CADM2: variants seen among roughly 807,000 people sequenced by gnomAD.
The protein encoded by CADM2 is immunoglobulin superfamily member 4D.
Under a neutral mutation model 49.8 loss-of-function variants are expected in CADM2, and 12 were observed. That is an observed-to-expected ratio of 0.24 (90% CI 0.15 to 0.39). The LOEUF is 0.39. CADM2 is among the 10% of genes least tolerant of loss of function. CADM2 has a pLI of 1.00. For synonymous variants in CADM2, 214 were observed against 175.4 expected (o/e 1.22, Z -1.74); for missense variants, 378 against 492.3 (o/e 0.77, Z 2.20).
intron 1 of CADM2, among the ~76,000 whole-genome samples, chr3:85,645,027 C>G (rs2064841107): frequency 6.6e-6 from 1 of 151,960 alleles, no homozygotes; most frequent in African/African-American, 2.4e-5. Flanking sequence ...GTATACTAAA[C>G]TTAATTGTTG....
At chr3:85,010,815 T>C (rs149188412) in intron 1 of CADM2, among the ~76,000 whole-genome samples, 1 of 149,108 alleles carries the variant, frequency 6.7e-6, no homozygotes, top group Non-Finnish European at 1.5e-5. Context: ...TCACCAAACA[T>C]TTTTCTTTAA....
At chr3:85,786,338 G>T (rs2070988455) in intron 2 of CADM2, among the ~76,000 whole-genome samples, 1 of 152,004 alleles carries the variant, frequency 6.6e-6, no homozygotes, top group African/African-American at 2.4e-5. Flanking sequence ...TTTATCTGTA[G>T]AAATCTATAC....
At chr3:85,550,816 C>T (rs2061783839) in intron 1 of CADM2, among the ~76,000 whole-genome samples, 1 of 152,082 alleles carries the variant, frequency 6.6e-6, no homozygotes, top group African/African-American at 2.4e-5. Context: ...CTCTCCTTTG[C>T]ACTCTGATTT....
chr3:85,744,576 G>T (rs1050849366), intron 2 of CADM2, among the ~76,000 whole-genome samples: 1 of 152,038 alleles, frequency 6.6e-6, no homozygotes, highest in Non-Finnish European at 1.5e-5. Context: ...TCGGGGTAAG[G>T]TCTTAATGAG....
intron 1 of CADM2, among the ~76,000 whole-genome samples, chr3:85,189,435 C>T (rs1346753132): frequency 1.3e-5 from 2 of 151,970 alleles, no homozygotes; most frequent in Non-Finnish European, 2.9e-5. Flanking sequence ...ATGTAGGTAA[C>T]TGAATTTTAA....
At chr3:85,032,895 T>A (rs1416036746) in intron 1 of CADM2, among the ~76,000 whole-genome samples, 1 of 152,188 alleles carries the variant, frequency 6.6e-6, no homozygotes. Context: ...TTCATGGCAA[T>A]TGTGAGAAAA....
At chr3:85,557,089 C>T (rs1043847553) in intron 1 of CADM2, among the ~76,000 whole-genome samples, 2 of 151,794 alleles carry the variant, frequency 1.3e-5, no homozygotes, top group African/African-American at 4.8e-5. Flanking sequence ...TATTTCTTAC[C>T]CTTTAAAGAA....
intron 8 of CADM2, among the ~76,000 whole-genome samples, chr3:86,037,410 C>A (rs928004138): frequency 6.6e-6 from 1 of 152,144 alleles, no homozygotes; most frequent in Admixed American, 6.5e-5. Context: ...CCGTTTAACA[C>A]TTCAGAGATG....
intron 1 of CADM2, among the ~76,000 whole-genome samples, chr3:85,216,824 C>G (rs2041939177): frequency 6.6e-6 from 1 of 151,948 alleles, no homozygotes; most frequent in East Asian, 1.9e-4. Flanking sequence ...GTGGCCAACT[C>G]TAATATATTT....
chr3:85,368,383 T>G (rs1190374481), intron 1 of CADM2, among the ~76,000 whole-genome samples: 2 of 152,066 alleles, frequency 1.3e-5, no homozygotes, highest in Non-Finnish European at 2.9e-5. Flanking sequence ...GGCTAAGCAT[T>G]GCGTGGGCCA....
intron 7 of CADM2, among the ~76,000 whole-genome samples, chr3:85,943,339 A>C (rs1722214605): frequency 2.2e-5 from 3 of 137,124 alleles, no homozygotes; most frequent in Admixed American, 1.5e-4. Context: ...CTTTAGTTTA[A>C]TTAGATCCCA....
chr3:85,158,788 A>G (rs901218112), intron 1 of CADM2, among the ~76,000 whole-genome samples: 3 of 152,136 alleles, frequency 2.0e-5, no homozygotes, highest in Non-Finnish European at 4.4e-5. Flanking sequence ...AGATGTATAC[A>G]TATGTAACTA....
chr3:85,098,216 C>T (rs903509454), intron 1 of CADM2, among the ~76,000 whole-genome samples: 2 of 150,442 alleles, frequency 1.3e-5, no homozygotes, highest in African/African-American at 2.4e-5. Context: ...GGACTGAATT[C>T]CCAGATTCTT....
chr3:85,088,941 GTGTT>G (rs2037489125), intron 1 of CADM2, among the ~76,000 whole-genome samples: 1 of 152,072 alleles, frequency 6.6e-6, no homozygotes, highest in Non-Finnish European at 1.5e-5. Flanking sequence ...ATTATCAGAT[GTGTT>G]TAGTAGGCAC....
At chr3:85,869,851 C>T (rs1420523145) in intron 3 of CADM2, among the ~76,000 whole-genome samples, 2 of 151,974 alleles carry the variant, frequency 1.3e-5, no homozygotes, top group East Asian at 1.9e-4. Flanking sequence ...TTAGTAGAGA[C>T]GGAGTTTCAC....
At chr3:85,330,660 CA>C (rs893295049) in intron 1 of CADM2, among the ~76,000 whole-genome samples, 6 of 151,536 alleles carry the variant, frequency 4.0e-5, no homozygotes, top group African/African-American at 9.7e-5. Flanking sequence ...AAAAACACTT[CA>C]AAAAAAATGT....
chr3:85,716,938 C>A (rs552169779), intron 1 of CADM2, among the ~76,000 whole-genome samples: 2 of 152,240 alleles, frequency 1.3e-5, no homozygotes, highest in Admixed American at 6.5e-5. Context: ...GTGATGCCTC[C>A]AGCTTTGTTC....
At chr3:85,497,008 T>A (rs2039933436) in intron 1 of CADM2, among the ~76,000 whole-genome samples, 1 of 126,338 alleles carries the variant, frequency 7.9e-6, no homozygotes, top group Admixed American at 9.1e-5. Context: ...CATGCCCAGC[T>A]AATTTTTGTA....
intron 1 of CADM2, among the ~76,000 whole-genome samples, chr3:85,551,646 G>T (rs1056676540): frequency 6.6e-6 from 1 of 152,122 alleles, no homozygotes; most frequent in African/African-American, 2.4e-5. Flanking sequence ...TAAAATATAT[G>T]TACAGAACTG....
Sources: allele counts gnomAD v4.1 joint callset (sites outside exome capture counted in the v4.1 genomes callset), GRCh38; gene constraint gnomAD v4.1.1; transcripts MANE v1.5; gene names NCBI Gene and HGNC (gene_info 2026-07-23, HGNC 2026-07-21).